The following RBMS3 variants were observed in gnomAD, a reference collection of about 807,000 sequenced individuals.
The protein encoded by RBMS3 is RNA binding motif single stranded interacting protein 3.
A neutral mutation model predicts 66.8 loss-of-function variants in RBMS3; 27 were observed. The observed-to-expected ratio is 0.40, with a 90% CI of 0.30 to 0.56. RBMS3 has a LOEUF of 0.56. RBMS3 is among the 20% of genes least tolerant of loss of function. The pLI, the probability that RBMS3 is intolerant of heterozygous loss-of-function variation, is 0.40. For synonymous variants in RBMS3, 188 were observed against 183.0 expected, an observed-to-expected ratio of 1.03 and a Z score of -0.22; for missense variants, 513 against 549.5, an observed-to-expected ratio of 0.93 and a Z score of 0.66.
chr3:29,975,190 G>A (rs1044402592), intron 12 of RBMS3, among the ~76,000 whole-genome samples: 1 of 147,994 alleles, frequency 6.8e-6, no homozygotes, highest in East Asian at 2.0e-4. Flanking sequence ...TGAAATTTAG[G>A]TGACTTCCAG....
intron 3 of RBMS3, among the ~76,000 whole-genome samples, chr3:29,492,441 C>G (rs73828678): frequency 1.3e-5 from 2 of 151,874 alleles, no homozygotes; most frequent in African/African-American, 4.8e-5. Flanking sequence ...CTGATAAGAA[C>G]GAGTATTGAA....
chr3:29,848,189 G>C (rs1168765253), intron 6 of RBMS3, among the ~76,000 whole-genome samples: 1 of 152,164 alleles, frequency 6.6e-6, no homozygotes, highest in African/African-American at 2.4e-5. Flanking sequence ...TTCAAAGGCA[G>C]CCTATGTGAG....
intron 2 of RBMS3, among the ~76,000 whole-genome samples, chr3:29,468,100 A>T (rs1398005792): frequency 6.6e-6 from 1 of 152,108 alleles, no homozygotes; most frequent in East Asian, 1.9e-4. Context: ...ATATAAATGT[A>T]TATATGTGAC....
chr3:29,897,330 C>T, intron 8 of RBMS3, 49 bp from the exon 9 acceptor site: 2 of 1,524,358 alleles, frequency 1.3e-6, no homozygotes, highest in Non-Finnish European at 9.1e-7. Context: ...GATTAGAGGC[C>T]AGGCATGTAG....
At chr3:29,881,159 C>T (rs1246693694) in intron 7 of RBMS3, among the ~76,000 whole-genome samples, 1 of 151,968 alleles carries the variant, frequency 6.6e-6, no homozygotes, top group East Asian at 1.9e-4. Flanking sequence ...TTCCATAGTA[C>T]TCCTTTTTGC....
intron 7 of RBMS3, among the ~76,000 whole-genome samples, chr3:29,872,888 T>C (rs756507129): frequency 3.7e-4 from 57 of 152,302 alleles, no homozygotes; most frequent in Non-Finnish European, 5.9e-4. Context: ...TTGTTGAAGA[T>C]CAAATAGTCA....
At chr3:29,470,991 T>A (rs536552925) in intron 2 of RBMS3, among the ~76,000 whole-genome samples, 1 of 152,298 alleles carries the variant, frequency 6.6e-6, no homozygotes, top group East Asian at 1.9e-4. Flanking sequence ...CTAACAGTAC[T>A]AATAGATATT....
At chr3:29,461,760 CTCTT>C (rs72109190) in intron 2 of RBMS3, among the ~76,000 whole-genome samples, 17,967 of 151,384 alleles carry the variant, frequency 0.12, 1,109 homozygotes, top group African/African-American at 0.13. Flanking sequence ...CTTTCTCTCT[CTCTT>C]TTTTTTTGAA....
At chr3:29,407,569 T>A (rs1309421229) in intron 1 of RBMS3, among the ~76,000 whole-genome samples, 1 of 152,214 alleles carries the variant, frequency 6.6e-6, no homozygotes, top group Non-Finnish European at 1.5e-5. Flanking sequence ...TTAAATTATG[T>A]AGAGTCAAAT....
At chr3:29,788,632 T>C (rs1307180759) in intron 6 of RBMS3, among the ~76,000 whole-genome samples, 1 of 152,214 alleles carries the variant, frequency 6.6e-6, no homozygotes, top group Non-Finnish European at 1.5e-5. Flanking sequence ...TGTTCAAACG[T>C]TTCCTTACTT....
At chr3:29,338,426 C>T (rs886111821) in intron 1 of RBMS3, among the ~76,000 whole-genome samples, 12 of 152,108 alleles carry the variant, frequency 7.9e-5, no homozygotes, top group Non-Finnish European at 1.5e-4. Flanking sequence ...TAGAATCTCT[C>T]CTGTAAAGGT....
intron 14 of RBMS3, among the ~76,000 whole-genome samples, chr3:29,994,171 CG>C (rs1290233305): frequency 3.9e-5 from 6 of 152,162 alleles, no homozygotes; most frequent in African/African-American, 1.2e-4. Context: ...GGGTGACGGA[CG>C]GCACCTGGAA....
At chr3:29,959,038 AG>A (rs1696229026) in intron 12 of RBMS3, among the ~76,000 whole-genome samples, 1 of 152,196 alleles carries the variant, frequency 6.6e-6, no homozygotes, top group African/African-American at 2.4e-5. Context: ...GCTCAATAGA[AG>A]TACCTCATCC....
At chr3:29,639,106 A>G (rs901840175) in intron 4 of RBMS3, among the ~76,000 whole-genome samples, 9 of 151,794 alleles carry the variant, frequency 5.9e-5, no homozygotes, top group African/African-American at 2.2e-4. Flanking sequence ...GAATAGTTCA[A>G]TTTGAGGGAA....
rs149907236 is a variant in RBMS3 at position 29,811,096 on chromosome 3, G to C, written c.637+48107G>C. ...ATTTAAGTCTAAATCCTGTGGTACT[G>C]GTGTTGGGGTAAAAAAGAAGGAAGA... On this transcript the variant is annotated intron_variant, in intron 6 of 14. Coordinates refer to ENST00000383767, the MANE Select transcript of RBMS3 (RefSeq NM_001003793.3). Among the ~76,000 whole-genome samples, 337 of 152,226 alleles carry C rather than the reference G, an allele frequency of 2.2e-3. 4 individuals carry two copies. Among genetic ancestry groups the C allele is most frequent in the African/African-American group, 7.8e-3 (324 of 41,548 alleles).
chr3:29,424,034 CT>C lies in RBMS3; in HGVS notation c.76-10707del, dbSNP rs376300568. On this transcript the variant is annotated intron_variant, in intron 1 of 14. Coordinates refer to ENST00000383767, the MANE Select transcript of RBMS3 (RefSeq NM_001003793.3). ...GAAATAAATCAATGAGCATAAAGCT[CT>C]TAGAATTGTGCCTGGAATATAATGT... Among the ~76,000 whole-genome samples the C allele has an allele frequency of 5.3e-4, 81 of 152,284 alleles. No individual in the cohort carries two copies. The East Asian group carries it at 0.014, about 26-fold the overall frequency.
chr3:29,300,341 G>T (rs1031275840), intron 1 of RBMS3, among the ~76,000 whole-genome samples: 1 of 151,924 alleles, frequency 6.6e-6, no homozygotes, highest in African/African-American at 2.4e-5. Context: ...AGAGATTAAA[G>T]TGTATATCTA....
chr3:29,798,303 G>GGGAAGGGAGGGGAA (rs1576834805), intron 6 of RBMS3, among the ~76,000 whole-genome samples: 1 of 89,606 alleles, frequency 1.1e-5, no homozygotes, highest in African/African-American at 5.3e-5. Context: ...AGGGAAGGGA[G>GGGAAGGGAGGGGAA]GGGAAGGGAG....
intron 8 of RBMS3, among the ~76,000 whole-genome samples, chr3:29,896,859 C>T (rs756159942): frequency 4.6e-5 from 7 of 151,548 alleles, no homozygotes; most frequent in Non-Finnish European, 8.9e-5. Flanking sequence ...AGAAAACATT[C>T]CCATTCCAAC....
Sources: allele counts gnomAD v4.1 joint callset (sites outside exome capture counted in the v4.1 genomes callset), GRCh38; gene constraint gnomAD v4.1.1; transcripts MANE v1.5; gene names NCBI Gene and HGNC (gene_info 2026-07-23, HGNC 2026-07-21).